The following KAZN variants were observed in gnomAD, a reference collection of about 807,000 sequenced individuals.
KAZN encodes kazrin.
A neutral mutation model predicts 87.4 loss-of-function variants in KAZN; 40 were observed. The observed-to-expected ratio is 0.46, with a 90% CI of 0.36 to 0.60. KAZN has a LOEUF of 0.60. Among genes scored for constraint, KAZN ranks in the 20% least tolerant of loss-of-function variants. The probability of loss-of-function intolerance (pLI) is 0.00; values close to 1 mark genes in which losing one functional copy is unlikely to be tolerated. For synonymous variants in KAZN, 466 were observed against 458.3 expected (o/e 1.02, Z -0.22); for missense variants, 898 against 1,073.9 (o/e 0.84, Z 2.29).
chr1:13,912,909 T>G (rs1167222028), intron 1 of KAZN, among the ~76,000 whole-genome samples: 1 of 152,166 alleles, frequency 6.6e-6, no homozygotes, highest in Non-Finnish European at 1.5e-5. Context: ...ATGCAAACTC[T>G]ATAGTTCATG....
At chr1:14,153,582 C>T (rs1645523468) in intron 1 of KAZN, among the ~76,000 whole-genome samples, 1 of 151,858 alleles carries the variant, frequency 6.6e-6, no homozygotes, top group African/African-American at 2.4e-5. Context: ...GGAGACCAGC[C>T]TGACCAACAT....
At chr1:14,877,462 C>T (rs1386060440) in intron 1 of KAZN, among the ~76,000 whole-genome samples, 1 of 152,138 alleles carries the variant, frequency 6.6e-6, no homozygotes, top group African/African-American at 2.4e-5. Flanking sequence ...GAAAGATAGG[C>T]ATATGGGGTC....
intron 1 of KAZN, among the ~76,000 whole-genome samples, chr1:14,613,564 G>C (rs1172643919): frequency 6.6e-6 from 1 of 152,174 alleles, no homozygotes; most frequent in African/African-American, 2.4e-5. Flanking sequence ...CTATCTGTTG[G>C]AGAAAATACA....
intron 2 of KAZN, among the ~76,000 whole-genome samples, chr1:15,027,042 A>G (rs1671232332): frequency 6.8e-6 from 1 of 146,070 alleles, no homozygotes; most frequent in African/African-American, 2.6e-5. Flanking sequence ...GCTTAATCAA[A>G]CTTAGGCAGA....
chr1:14,589,422 T>A (rs944103100), intron 2 of KAZN, among the ~76,000 whole-genome samples: 1 of 151,964 alleles, frequency 6.6e-6, no homozygotes, highest in African/African-American at 2.4e-5. Context: ...TCCTAACAAG[T>A]CGGCCATTGA....
intron 2 of KAZN, among the ~76,000 whole-genome samples, chr1:14,259,624 A>G (rs1225125221): frequency 6.6e-6 from 1 of 152,194 alleles, no homozygotes; most frequent in Non-Finnish European, 1.5e-5. Flanking sequence ...CCTGAGGTTC[A>G]TCACCATTTC....
At chr1:14,592,895 C>G (rs1032717446) in intron 2 of KAZN, among the ~76,000 whole-genome samples, 1 of 152,120 alleles carries the variant, frequency 6.6e-6, no homozygotes, top group Non-Finnish European at 1.5e-5. Flanking sequence ...GCATGAATGC[C>G]GCCTCTGGTC....
chr1:14,865,545 C>A (rs1651352141), intron 1 of KAZN, among the ~76,000 whole-genome samples: 1 of 152,140 alleles, frequency 6.6e-6, no homozygotes, highest in African/African-American at 2.4e-5. Context: ...AAACACCCTT[C>A]TTCTTGCCAG....
intron 1 of KAZN, among the ~76,000 whole-genome samples, chr1:13,975,687 G>A (rs1283437452): frequency 1.3e-5 from 2 of 152,288 alleles, no homozygotes; most frequent in East Asian, 1.9e-4. Context: ...CACACCGGCA[G>A]GTAGATAGTA....
intron 2 of KAZN, among the ~76,000 whole-genome samples, chr1:14,991,079 G>A (rs1297327975): frequency 1.3e-5 from 2 of 151,908 alleles, no homozygotes; most frequent in African/African-American, 4.8e-5. Flanking sequence ...TTGGCCGGGC[G>A]CAGAGGCTCG....
rs1672196722 is a variant in KAZN at position 14,531,312 on chromosome 1, C to T, written c.250-67671C>T. Among the ~76,000 whole-genome samples the T allele has an allele frequency of 2.0e-5, 3 of 152,324 alleles. No homozygotes were observed. In the South Asian group the frequency reaches 6.2e-4, roughly 32 times the overall value. On this transcript the variant is annotated intron_variant, in intron 2 of 16. Transcript: ENST00000636203. ...GATCAAAACAGTCATAGAATGCCCTCTCCCATATACTGGAGATCCCATGAG... is the reference window on the plus strand; with the variant it reads ...GATCAAAACAGTCATAGAATGCCCTTTCCCATATACTGGAGATCCCATGAG...
chr1:14,224,701 G>A (rs1198530268), intron 2 of KAZN, among the ~76,000 whole-genome samples: 2 of 152,094 alleles, frequency 1.3e-5, no homozygotes, highest in African/African-American at 2.4e-5. Flanking sequence ...GACAGCCAGG[G>A]TAATCAGAAA....
intron 2 of KAZN, among the ~76,000 whole-genome samples, chr1:14,972,675 C>T (rs1055180511): frequency 3.3e-5 from 5 of 152,102 alleles, no homozygotes; most frequent in African/African-American, 9.6e-5. Flanking sequence ...CCACCACGCC[C>T]GGCTAATTTT....
At chr1:14,065,149 A>T (rs1245175092) in intron 1 of KAZN, among the ~76,000 whole-genome samples, 3 of 152,238 alleles carry the variant, frequency 2.0e-5, no homozygotes, top group Non-Finnish European at 4.4e-5. Flanking sequence ...CACCTTGGGT[A>T]GAATTTCATC....
intron 1 of KAZN, among the ~76,000 whole-genome samples, chr1:14,936,837 G>A (rs1028755083): frequency 1.7e-4 from 26 of 152,216 alleles, no homozygotes; most frequent in Admixed American, 9.8e-4. Context: ...TCCACATGGC[G>A]GGCATCCAGC....
chr1:14,809,358 T>C (rs186797961), intron 1 of KAZN, among the ~76,000 whole-genome samples: 46 of 152,340 alleles, frequency 3.0e-4, no homozygotes, highest in Admixed American at 2.9e-3. Flanking sequence ...CTGTGCTTTC[T>C]GAATTCTTCT....
intron 2 of KAZN, among the ~76,000 whole-genome samples, chr1:14,275,444 CTGTGTGTGTGTGTGTGTGTGTG>C (rs60684981): frequency 5.8e-4 from 80 of 136,964 alleles, no homozygotes; most frequent in East Asian, 1.3e-3. Flanking sequence ...GTGGTAAATA[CTGTGTGTGTGTGTGTGTGTGTG>C]TGTGTGTGTG....
intron 1 of KAZN, among the ~76,000 whole-genome samples, chr1:14,802,209 C>A (rs1646055604): frequency 6.6e-6 from 1 of 151,972 alleles, no homozygotes. Context: ...AGTTTGAGAC[C>A]ACCATGGCCA....
At chr1:14,848,330 C>G (rs1649019134) in intron 1 of KAZN, among the ~76,000 whole-genome samples, 1 of 152,218 alleles carries the variant, frequency 6.6e-6, no homozygotes, top group Non-Finnish European at 1.5e-5. Context: ...AGTTCTAGCT[C>G]TGCCTCTGAT....
Sources: gnomAD v4.1 joint callset for allele counts (sites outside exome capture counted in the v4.1 genomes callset) on GRCh38, gnomAD v4.1.1 for gene constraint, MANE v1.5 for transcripts, NCBI Gene and HGNC (gene_info 2026-07-23, HGNC 2026-07-21) for gene names.